The following ACOT12 variants were observed in gnomAD, a reference collection of about 807,000 sequenced individuals.
ACOT12 encodes the protein acyl-CoA thioesterase 12.
Under a neutral mutation model 67.7 loss-of-function variants are expected in ACOT12, and 51 were observed. The observed-to-expected ratio is 0.75, with a 90% CI of 0.60 to 0.95. The LOEUF is 0.95. Ranked by LOEUF, ACOT12 falls within the 40% of genes least tolerant of loss-of-function variation. ACOT12 has a pLI of 0.00. For missense variants in ACOT12, 734 were observed against 708.1 expected, an observed-to-expected ratio of 1.04 and a Z score of -0.41; for synonymous variants, 251 against 244.6, an observed-to-expected ratio of 1.03 and a Z score of -0.24.
intron 2 of ACOT12, among the ~76,000 whole-genome samples, chr5:81,379,124 T>C (rs999650577): frequency 6.6e-6 from 1 of 152,110 alleles, no homozygotes; most frequent in Non-Finnish European, 1.5e-5. Flanking sequence ...ATGTGGCACA[T>C]ATACACCATG....
At chr5:81,319,536 G>A in the ACOT12 span, among the ~76,000 whole-genome samples, 39 of 152,258 alleles carry the variant, frequency 2.6e-4, no homozygotes, top group South Asian at 7.9e-3. Flanking sequence ...TGACCAACAT[G>A]GAGAAACCCC....
At chr5:81,362,252 G>A (rs956003218) in intron 4 of ACOT12, among the ~76,000 whole-genome samples, 2 of 146,504 alleles carry the variant, frequency 1.4e-5, no homozygotes, top group African/African-American at 5.1e-5. Flanking sequence ...CGCAACTTCT[G>A]CCTCCCAGGT....
At chr5:81,317,540 T>C in the ACOT12 span, among the ~76,000 whole-genome samples, 14 of 151,174 alleles carry the variant, frequency 9.3e-5, no homozygotes, top group African/African-American at 3.4e-4. Context: ...GACTCACAGT[T>C]TCACAGGCTA....
At chr5:81,378,557 G>A in intron 2 of ACOT12, among the ~76,000 whole-genome samples, 1 of 152,120 alleles carries the variant, frequency 6.6e-6, no homozygotes. Flanking sequence ...GCAACCTACA[G>A]AATGGGAGAA....
chr5:81,343,019 G>A (rs527547297), intron 10 of ACOT12, among the ~76,000 whole-genome samples: 40 of 151,932 alleles, frequency 2.6e-4, no homozygotes, highest in African/African-American at 8.9e-4. Flanking sequence ...CCATTTCTAC[G>A]AAAAATACAA....
At chr5:81,336,092 G>A (rs1423125671) in intron 11 of ACOT12, among the ~76,000 whole-genome samples, 191 bp from the exon 12 acceptor site, 1 of 151,994 alleles carries the variant, frequency 6.6e-6, no homozygotes. Flanking sequence ...GGATGCTGTA[G>A]TCTCGTGTCC....
downstream of ACOT12, among the ~76,000 whole-genome samples, chr5:81,327,099 C>T (rs1438875763): frequency 6.6e-6 from 1 of 151,182 alleles, no homozygotes; most frequent in African/African-American, 2.4e-5. Context: ...AATGTCCAAG[C>T]TTATTTCTGA....
intron 4 of ACOT12, among the ~76,000 whole-genome samples, chr5:81,363,238 C>T (rs1170916331): frequency 6.6e-6 from 1 of 152,080 alleles, no homozygotes; most frequent in Non-Finnish European, 1.5e-5. Flanking sequence ...TGGATCGTGT[C>T]CAGGCAGCCG....
At chr5:81,378,260 C>T (rs770846267) in intron 2 of ACOT12, among the ~76,000 whole-genome samples, 4 of 151,942 alleles carry the variant, frequency 2.6e-5, no homozygotes, top group Non-Finnish European at 4.4e-5. Flanking sequence ...TAATAAATGG[C>T]GTTAGGAAAA....
At chr5:81,341,595 C>T (rs1488629498) in intron 11 of ACOT12, among the ~76,000 whole-genome samples, 2 of 152,172 alleles carry the variant, frequency 1.3e-5, no homozygotes, top group Admixed American at 1.3e-4. Flanking sequence ...ATGAATGTAG[C>T]CAAAGTGCTG....
chr5:81,312,724 A>G, the ACOT12 span: 3 of 1,295,214 alleles, frequency 2.3e-6, no homozygotes, highest in African/African-American at 2.9e-5. Context: ...GGCCCGCTTC[A>G]CGAGTTAGAG....
intron 13 of ACOT12, 144 bp downstream of exon 13, chr5:81,332,333 C>A: frequency 1.1e-6 from 1 of 940,948 alleles, no homozygotes; most frequent in Non-Finnish European, 1.5e-6. Context: ...AAAATAATAG[C>A]TAAAGATTCA....
chr5:81,310,177 A>T, the ACOT12 span, among the ~76,000 whole-genome samples: 3 of 151,478 alleles, frequency 2.0e-5, no homozygotes, highest in African/African-American at 4.8e-5. Context: ...AAAAAAAAAA[A>T]AAATTAATGC....
At chr5:81,392,389 C>T (rs1483181496) in intron 1 of ACOT12, among the ~76,000 whole-genome samples, 1 of 152,140 alleles carries the variant, frequency 6.6e-6, no homozygotes. Flanking sequence ...CTTTATCATA[C>T]AGGTTTTCTT....
chr5:81,312,256 A>T, the ACOT12 span, among the ~76,000 whole-genome samples: 1 of 152,120 alleles, frequency 6.6e-6, no homozygotes, highest in South Asian at 2.1e-4. Context: ...GAATTCATTG[A>T]CTCTGTAATG....
At chr5:81,348,451 C>T (rs1289864384) in intron 5 of ACOT12, among the ~76,000 whole-genome samples, 1 of 152,176 alleles carries the variant, frequency 6.6e-6, no homozygotes, top group East Asian at 1.9e-4. Flanking sequence ...CCAGAGACAC[C>T]AGGAAGCTTG....
intron 2 of ACOT12, among the ~76,000 whole-genome samples, chr5:81,383,365 A>G (rs1418914649): frequency 2.0e-5 from 3 of 152,218 alleles, no homozygotes; most frequent in African/African-American, 7.2e-5. Context: ...ACAAGACTCC[A>G]TCTCAAAGAA....
intron 1 of ACOT12, among the ~76,000 whole-genome samples, chr5:81,387,384 C>A (rs1397233966): frequency 6.6e-6 from 1 of 152,056 alleles, no homozygotes; most frequent in Non-Finnish European, 1.5e-5. Context: ...ACTGCTGAAA[C>A]CTTGCAAATA....
At position 81,355,676 on chromosome 5, in the gene ACOT12, C is replaced by A. The variant is rs1025769187; in HGVS notation, c.496+4227G>T. ...GAAAAAGATGAGCCAATGCATAGGGCCAGCTCCTAGCAATTCGCCTTTAGG... is the reference window on the plus strand; with the variant it reads ...GAAAAAGATGAGCCAATGCATAGGGACAGCTCCTAGCAATTCGCCTTTAGG... On this transcript the variant is annotated intron_variant, in intron 5 of 14. Transcript: ENST00000307624. 2.0e-5 allele frequency among the ~76,000 whole-genome samples: 3 copies of A among 152,152 alleles called. No homozygotes were observed. The South Asian group carries it at 6.2e-4, about 32-fold the overall frequency.
Sources: gnomAD v4.1 joint callset for allele counts (sites outside exome capture counted in the v4.1 genomes callset) on GRCh38, gnomAD v4.1.1 for gene constraint, MANE v1.5 for transcripts, NCBI Gene and HGNC (gene_info 2026-07-23, HGNC 2026-07-21) for gene names.